The following AADACL4 variants were observed in gnomAD, a reference collection of about 807,000 sequenced individuals.
AADACL4 encodes the protein arylacetamide deacetylase like 4.
Under a neutral mutation model 14.1 loss-of-function variants are expected in AADACL4, and 9 were observed. The observed-to-expected ratio is 0.64, with a 90% CI of 0.39 to 1.12. The LOEUF (loss-of-function observed/expected upper bound fraction) is 1.12, where lower values mean the gene tolerates loss of function less well. Ranked by LOEUF, AADACL4 falls within the 50% of genes most tolerant of loss-of-function variation. The probability of loss-of-function intolerance (pLI) is 0.01; values close to 1 mark genes in which losing one functional copy is unlikely to be tolerated. For missense variants in AADACL4, 531 were observed against 516.1 expected (o/e 1.03, Z -0.28); for synonymous variants, 188 against 201.6 (o/e 0.93, Z 0.57).
At chr1:12,663,113 A>G (rs1345125063) in intron 3 of AADACL4, among the ~76,000 whole-genome samples, 2 of 151,552 alleles carry the variant, frequency 1.3e-5, no homozygotes, top group Non-Finnish European at 2.9e-5. Flanking sequence ...CTGAGAGGAG[A>G]CTCCCTGAGA....
intron 1 of AADACL4, 87 bp from the exon 2 acceptor site, chr1:12,651,036 C>T (rs1647141959): frequency 2.3e-6 from 3 of 1,329,202 alleles, no homozygotes; most frequent in Admixed American, 3.6e-5. Context: ...ACTGTGAAAA[C>T]ATCCTAACAA....
intron 2 of AADACL4, among the ~76,000 whole-genome samples, chr1:12,654,215 C>T (rs2100762176): frequency 6.6e-6 from 1 of 152,286 alleles, no homozygotes; most frequent in South Asian, 2.1e-4. Context: ...ATTACGGTCT[C>T]ATTGTAAGTC....
chr1:12,648,179 C>A (rs1212355662), intron 1 of AADACL4, among the ~76,000 whole-genome samples: 2 of 151,420 alleles, frequency 1.3e-5, no homozygotes, highest in African/African-American at 2.4e-5. Flanking sequence ...ACCATGTTAG[C>A]CAGGATGGTC....
At chr1:12,665,690 T>G (rs147666815) in intron 3 of AADACL4, among the ~76,000 whole-genome samples, 1 of 152,334 alleles carries the variant, frequency 6.6e-6, no homozygotes, top group African/African-American at 2.4e-5. Flanking sequence ...AGCAAATAGC[T>G]TCAATGAAAA....
chr1:12,658,139 CCTTT>C (rs1191457132), intron 2 of AADACL4, among the ~76,000 whole-genome samples: 1,493 of 84,826 alleles, frequency 0.018, 30 homozygotes, highest in Middle Eastern at 0.025. Context: ...TTCCTTCCTT[CCTTT>C]CTTTCTTTCT....
At chr1:12,644,886 T>A (rs905663002) in intron 1 of AADACL4, among the ~76,000 whole-genome samples, 172 bp downstream of exon 1, 1 of 151,846 alleles carries the variant, frequency 6.6e-6, no homozygotes, top group African/African-American at 2.4e-5. Flanking sequence ...CTTCCCTCCC[T>A]CCGTTCCTTC....
intron 2 of AADACL4, among the ~76,000 whole-genome samples, chr1:12,654,826 G>C (rs902926180): frequency 4.6e-5 from 7 of 152,156 alleles, no homozygotes; most frequent in African/African-American, 1.7e-4. Flanking sequence ...ACTAACCTTT[G>C]ATCATTCATG....
intron 1 of AADACL4, among the ~76,000 whole-genome samples, chr1:12,650,379 G>T (rs373140198): frequency 6.6e-6 from 1 of 152,048 alleles, no homozygotes; most frequent in Non-Finnish European, 1.5e-5. Context: ...CTTTTTCATT[G>T]AACACGGACA....
At position 12,666,722 on chromosome 1, in the gene AADACL4, T is replaced by C; in HGVS notation, c.1211T>C (p.Ile404Thr). ...ATTGTGAATGCTGTAGTCAGTTATA[T>C]AAAGGGCATATGATAGTAACCCTGG... ...LKIVNAVVSY[I>T]KGI Residue 404 changes from isoleucine (I) to threonine (T), a missense_variant, in exon 4 of 4, where the codon ATA (isoleucine) becomes ACA (threonine). Coordinates refer to ENST00000376221, the MANE Select transcript of AADACL4 (RefSeq NM_001013630.2). 6.2e-7 allele frequency: 1 copy of C among 1,608,706 alleles called. No individual in the cohort carries two copies. Among genetic ancestry groups the C allele is most frequent in the Non-Finnish European group, 8.5e-7 (1 of 1,179,228 alleles).
intron 2 of AADACL4, among the ~76,000 whole-genome samples, chr1:12,657,120 G>A (rs911886171): frequency 3.6e-5 from 5 of 140,556 alleles, no homozygotes; most frequent in Non-Finnish European, 7.5e-5. Context: ...TCCAGTCTGG[G>A]TGACAGAGAA....
At chr1:12,653,303 C>T (rs767105390) in intron 2 of AADACL4, among the ~76,000 whole-genome samples, 1 of 152,108 alleles carries the variant, frequency 6.6e-6, no homozygotes. Context: ...AAACCATTTG[C>T]GTCAAGAAGA....
chr1:12,658,557 C>T (rs1201050816), intron 2 of AADACL4, among the ~76,000 whole-genome samples: 1 of 152,148 alleles, frequency 6.6e-6, no homozygotes, highest in Non-Finnish European at 1.5e-5. Context: ...CCACGCGTGG[C>T]CTGGAATTTT....
intron 1 of AADACL4, among the ~76,000 whole-genome samples, chr1:12,648,268 A>T (rs1241424299): frequency 6.6e-6 from 1 of 151,516 alleles, no homozygotes; most frequent in African/African-American, 2.4e-5. Context: ...CCGCAGCCGG[A>T]CTGCTTTTCT....
At chr1:12,659,174 G>A (rs960220604) in intron 2 of AADACL4, among the ~76,000 whole-genome samples, 4 of 152,180 alleles carry the variant, frequency 2.6e-5, no homozygotes, top group Non-Finnish European at 5.9e-5. Context: ...GGTGGTGGGA[G>A]TGACGAAGGA....
At chr1:12,662,710 A>G (rs1012432612) in intron 3 of AADACL4, among the ~76,000 whole-genome samples, 1 of 152,200 alleles carries the variant, frequency 6.6e-6, no homozygotes, top group Non-Finnish European at 1.5e-5. Flanking sequence ...GACCTCCTCA[A>G]ACCTTAGCTG....
intron 2 of AADACL4, among the ~76,000 whole-genome samples, chr1:12,661,250 C>T (rs1350113418): frequency 3.9e-5 from 6 of 152,152 alleles, no homozygotes; most frequent in Non-Finnish European, 7.3e-5. Flanking sequence ...TAAAAACTCC[C>T]TGGTACCTCT....
At chr1:12,662,194 G>A (rs1202118294) in intron 3 of AADACL4, among the ~76,000 whole-genome samples, 2 of 152,170 alleles carry the variant, frequency 1.3e-5, no homozygotes, top group African/African-American at 4.8e-5. Flanking sequence ...AGTGAAAAAT[G>A]TTCAAAAAAT....
At chr1:12,646,332 T>G (rs2100755949) in intron 1 of AADACL4, among the ~76,000 whole-genome samples, 1 of 152,340 alleles carries the variant, frequency 6.6e-6, no homozygotes, top group Non-Finnish European at 1.5e-5. Context: ...CTGGGAGGGT[T>G]AATATGTCTA....
chr1:12,661,987 C>A, intron 3 of AADACL4, 133 bp downstream of exon 3: 2 of 998,760 alleles, frequency 2.0e-6, no homozygotes, highest in Non-Finnish European at 1.5e-6. Flanking sequence ...CAGAGACAGG[C>A]GCAGCAGTGC....
Sources: allele counts gnomAD v4.1 joint callset (sites outside exome capture counted in the v4.1 genomes callset), GRCh38; gene constraint gnomAD v4.1.1; transcripts MANE v1.5; gene names NCBI Gene and HGNC (gene_info 2026-07-23, HGNC 2026-07-21).